ENGASE: variants seen among roughly 807,000 people sequenced by gnomAD.
ENGASE encodes cytosolic endo-beta-N-acetylglucosaminidase.
Under a neutral mutation model 78.5 loss-of-function variants are expected in ENGASE, and 69 were observed. The observed-to-expected ratio is 0.88, with a 90% CI of 0.72 to 1.07. The LOEUF (loss-of-function observed/expected upper bound fraction) is 1.07, where lower values mean the gene tolerates loss of function less well. Ranked by LOEUF, ENGASE falls within the 50% of genes least tolerant of loss-of-function variation. The pLI, the probability that ENGASE is intolerant of heterozygous loss-of-function variation, is 0.00. For synonymous variants in ENGASE, 408 were observed against 408.9 expected, an observed-to-expected ratio of 1.00 and a Z score of 0.03; for missense variants, 943 against 988.4, an observed-to-expected ratio of 0.95 and a Z score of 0.62.
chr17:79,085,788 G>T lies in ENGASE; in HGVS notation c.1815+54G>T, dbSNP rs550455191. The T allele has an allele frequency of 2.4e-4, 391 of 1,604,180 alleles. 1 individual carries two copies. In the African/African-American group the frequency reaches 4.5e-3, roughly 19 times the overall value. On this transcript the variant is annotated intron_variant, in intron 13 of 13. Transcript: ENST00000579016. ...GGCTGGCTGTTTGTCCAGCTGGAGT[G>T]GGGGTGGAGGCCGCCCCAGGCCGCC...
intron 3 of ENGASE, among the ~76,000 whole-genome samples, chr17:79,078,945 G>A (rs544679464): frequency 6.6e-6 from 1 of 152,246 alleles, no homozygotes; most frequent in South Asian, 2.1e-4. Context: ...GCAGTGCTCG[G>A]TCCATTAGAT....
At chr17:79,077,618 A>G in intron 2 of ENGASE, 45 bp from the exon 3 acceptor site, 2 of 1,609,156 alleles carry the variant, frequency 1.2e-6, no homozygotes, top group South Asian at 1.1e-5. Context: ...GATTAATCCT[A>G]TAATAGTTTC....
intron 6 of ENGASE, 68 bp from the exon 7 acceptor site, chr17:79,081,830 C>A (rs2073147112): frequency 6.5e-7 from 1 of 1,539,998 alleles, no homozygotes; most frequent in Non-Finnish European, 8.7e-7. Context: ...GCTGAGACTG[C>A]AGGGTTGGTG....
rs745891022 is a variant in ENGASE, at chr17:79,086,304, G to A, written c.2187G>A (p.Gln729=). 6.2e-7 allele frequency: 1 copy of A among 1,613,542 alleles called. No individual in the cohort carries two copies. Among genetic ancestry groups the A allele is most frequent in the Non-Finnish European group, 8.5e-7 (1 of 1,180,040 alleles). The stretch of plus-strand genomic sequence containing the variant: ...CCAAGGAAGGGTTCCGGGTACCTCA[G>A]GCCGAGTGGGGCAGGGCAGTTCTGC... ...PVPKEGFRVP[Q]AEWGRAVLLY... is the part of the protein sequence containing the mutation. The change falls in exon 14 of 14, where the codon CAG becomes CAA. Residue 729 remains glutamine, a synonymous_variant. Transcript: ENST00000579016.
intron 3 of ENGASE, among the ~76,000 whole-genome samples, chr17:79,078,318 C>T (rs1472682108): frequency 6.6e-6 from 1 of 152,044 alleles, no homozygotes; most frequent in South Asian, 2.1e-4. Context: ...CCAGCCTGGG[C>T]AACAGAGTGA....
chr17:79,077,630 A>G (rs1446471886), intron 2 of ENGASE, 33 bp from the exon 3 acceptor site: 7 of 1,611,028 alleles, frequency 4.3e-6, no homozygotes, highest in Non-Finnish European at 5.9e-6. Context: ...AATAGTTTCC[A>G]TTAATTGCTC....
Position 79,085,345 on chromosome 17 carries a change from A to G in ENGASE, c.1700+3A>G. 6.2e-7 allele frequency: 1 copy of G among 1,601,928 alleles called. No homozygotes were observed. The highest frequency in any genetic ancestry group is 2.2e-5 in the East Asian group (1 of 44,776). ...CTGAGTGGGGGCTGGGTCCAGCAGTAAGTCCCTCTGCTTCTTCACGTCCTT... is the reference window on the plus strand; with the variant it reads ...CTGAGTGGGGGCTGGGTCCAGCAGTGAGTCCCTCTGCTTCTTCACGTCCTT... On this transcript the variant is annotated splice_donor_region_variant and intron_variant, in intron 12 of 13. Coordinates refer to ENST00000579016, the MANE Select transcript of ENGASE (RefSeq NM_001042573.3).
intron 1 of ENGASE, 101 bp downstream of exon 1, chr17:79,075,191 GC>G (rs1400987552): frequency 1.9e-5 from 22 of 1,161,476 alleles, no homozygotes; most frequent in Non-Finnish European, 2.4e-5. Flanking sequence ...GGGGCGGGGG[GC>G]CGGCGCCTGT....
At chr17:79,082,906 C>T in intron 7 of ENGASE, 114 bp from the exon 8 acceptor site, 1 of 1,569,278 alleles carries the variant, frequency 6.4e-7, no homozygotes, top group Admixed American at 1.8e-5. Flanking sequence ...GGTTGGACAG[C>T]TTCCCCCTCC....
intron 3 of ENGASE, among the ~76,000 whole-genome samples, chr17:79,078,241 A>G (rs140508459): frequency 1.2e-3 from 180 of 152,246 alleles, no homozygotes; most frequent in African/African-American, 3.3e-3. Context: ...TTAGGGGGCT[A>G]ATGCAGGAGA....
rs1034818477 is a variant in ENGASE, at chr17:79,081,786, T to C, written c.873-112T>C. 5.8e-6 allele frequency: 7 copies of C among 1,202,624 alleles called. No individual in the cohort carries two copies. In the Admixed American group the frequency reaches 1.3e-4, roughly 23 times the overall value. The allele number at this position is 1,202,624 out of a possible 1,614,324, so 74.5% of individuals were successfully genotyped here. A position where few individuals can be genotyped will look rare whatever the true frequency, so the allele number is the denominator to read the frequency against. ...TGGGGTGGGGTGGGGTGGGGTGGGG[T>C]GGGCCCATCCCTCTGAGTACTAGGA... On this transcript the variant is annotated intron_variant, in intron 6 of 13. Coordinates refer to ENST00000579016, the MANE Select transcript of ENGASE (RefSeq NM_001042573.3).
rs373709654 is a variant in ENGASE at position 79,086,294 on chromosome 17, G to C, written c.2177G>C (p.Arg726Pro). 6.2e-7 allele frequency: 1 copy of C among 1,613,566 alleles called. No individual in the cohort carries two copies. The highest frequency in any genetic ancestry group is 1.7e-5 in the Admixed American group (1 of 60,022). Residue 726 changes from arginine to proline, a missense_variant, in exon 14 of 14, where the codon CGG becomes CCG. Arg to Pro is a moderately radical substitution (Grantham distance 103). Transcript: ENST00000579016. ...GAGCCTGTCCCCAAGGAAGGGTTCC[G>C]GGTACCTCAGGCCGAGTGGGGCAGG... ...LVEPVPKEGF[R>P]VPQAEWGRAV...
chr17:79,086,688 A>G lies in ENGASE; in HGVS notation c.*339A>G, dbSNP rs1275732397. On this transcript the variant is annotated 3_prime_UTR_variant, in exon 14 of 14. Transcript: ENST00000579016. Reference sequence around the variant, plus strand: ...CATTCCATAAAGGATATTTCCTAATAGGCTGCAAGATGCTGATGCCGAGAA... The same window carrying G: ...CATTCCATAAAGGATATTTCCTAATGGGCTGCAAGATGCTGATGCCGAGAA... The G allele has an allele frequency of 4.6e-6, 2 of 430,774 alleles. No homozygotes were observed. The highest frequency in any genetic ancestry group is 1.0e-4 in the East Asian group (2 of 20,058). The allele number at this position is 430,774 out of a possible 1,614,324, so 26.7% of individuals were successfully genotyped here. A position where few individuals can be genotyped will look rare whatever the true frequency, so the allele number is the denominator to read the frequency against.
chr17:79,075,692 G>A, intron 1 of ENGASE: 1 of 985,480 alleles, frequency 1.0e-6, no homozygotes, highest in Non-Finnish European at 1.2e-6. Flanking sequence ...AGGTTGCAGG[G>A]GGAGAAGTTA....
At position 79,075,043 on chromosome 17, in the gene ENGASE, G is replaced by T. The variant is rs1599327943; in HGVS notation, c.99G>T (p.Glu33Asp). 8.3e-7 allele frequency: 1 copy of T among 1,205,692 alleles called. No individual in the cohort carries two copies. Among genetic ancestry groups the T allele is most frequent in the Non-Finnish European group, 1.0e-6 (1 of 967,912 alleles). The allele number at this position is 1,205,692 out of a possible 1,614,324, so 74.7% of individuals were successfully genotyped here. The change falls in exon 1 of 14, where the codon GAG becomes GAT. Residue 33 changes from glutamate to aspartate, a missense_variant. Glu to Asp is a conservative substitution (Grantham distance 45, BLOSUM62 2). Coordinates refer to ENST00000579016, the MANE Select transcript of ENGASE (RefSeq NM_001042573.3). ...CCCCGGAGGCGGGGACGCAGGAGGA[G>T]CAGGAGGATCAGGAGCCGCGGCCGC... Reference protein sequence around the residue: ...LAAPEAGTQEEQEDQEPRPRR... With the variant: ...LAAPEAGTQEDQEDQEPRPRR...
chr17:79,083,798 A>C lies in ENGASE; in HGVS notation c.1289A>C (p.Gln430Pro). 6.2e-7 allele frequency: 1 copy of C among 1,612,148 alleles called. No homozygotes were observed. Among genetic ancestry groups the C allele is most frequent in the South Asian group, 1.1e-5 (1 of 90,974 alleles). Residue 430 changes from glutamine (Q) to proline (P), a missense_variant, in exon 10 of 14, where the codon CAG (glutamine) becomes CCG (proline). Coordinates refer to ENST00000579016, the MANE Select transcript of ENGASE (RefSeq NM_001042573.3). The surrounding 1 kb of genome is among the most constrained non-coding windows in gnomAD (Gnocchi z 4.9). ...GGGCCCTGGTACCACCTGAGCGCCC[A>C]GGAGATCCAGCCCTTGTTTGGAGAA... ...AVGPWYHLSA[Q>P]EIQPLFGEHR...
At position 79,086,058 on chromosome 17, in the gene ENGASE, C is replaced by T. The variant is rs376751700; in HGVS notation, c.1941C>T (p.Cys647=). ...EGPPALLQLS[C]TLHWSFLLSQ... is the part of the protein sequence containing the mutation. ...CCCCTGCTCTGCTCCAGCTCAGCTG[C>T]ACCCTGCACTGGTCCTTCCTCCTCT... is the stretch of plus-strand genomic sequence containing the variant. Residue 647 remains cysteine (C), a synonymous_variant, in exon 14 of 14, where the codon TGC becomes TGT. Coordinates refer to ENST00000579016, the MANE Select transcript of ENGASE (RefSeq NM_001042573.3). The T allele has an allele frequency of 1.1e-5, 17 of 1,613,308 alleles. No homozygotes were observed. The highest frequency in any genetic ancestry group is 1.4e-5 in the Non-Finnish European group (17 of 1,180,054).
chr17:79,080,870 C>T, intron 5 of ENGASE, 55 bp from the exon 6 acceptor site: 1 of 1,567,704 alleles, frequency 6.4e-7, no homozygotes, highest in East Asian at 2.3e-5. Context: ...GGATACTTCT[C>T]ATGATAGATA....
In ENGASE at chr17:79,083,789, T is replaced by G. The variant is rs557988342; in HGVS notation, c.1280T>G (p.Leu427Arg). The G allele has an allele frequency of 1.2e-5, 20 of 1,611,966 alleles. No individual in the cohort carries two copies. The African/African-American group carries it at 2.7e-4, about 22-fold the overall frequency. ...QEEAVGPWYH[L>R]SAQEIQPLFG... is the part of the protein sequence containing the mutation. Reference sequence around the variant, plus strand: ...GAGGCGGTAGGGCCCTGGTACCACCTGAGCGCCCAGGAGATCCAGCCCTTG... The same window carrying G: ...GAGGCGGTAGGGCCCTGGTACCACCGGAGCGCCCAGGAGATCCAGCCCTTG... The change falls in exon 10 of 14, where the codon CTG becomes CGG. Residue 427 changes from leucine to arginine, a missense_variant. Leu to Arg is a moderately radical substitution (Grantham distance 102). Transcript: ENST00000579016. This position sits in a 1 kb window ranked among gnomAD's most constrained non-coding sequence, Gnocchi z 4.9.
Sources: allele counts gnomAD v4.1 joint callset (sites outside exome capture counted in the v4.1 genomes callset), GRCh38; gene constraint gnomAD v4.1.1; non-coding constraint Gnocchi (gnomAD v3.1); transcripts MANE v1.5; gene names NCBI Gene and HGNC (gene_info 2026-07-23, HGNC 2026-07-21).